Variants in STK17A observed in about 807,000 individuals in gnomAD.
The protein encoded by STK17A is serine/threonine-protein kinase 17A.
STK17A carries 26 observed loss-of-function variants against 43.7 expected under a neutral mutation model. That is an observed-to-expected ratio of 0.60 (90% confidence interval 0.44 to 0.83). The LOEUF (loss-of-function observed/expected upper bound fraction) is 0.83. Ranked by LOEUF, STK17A falls within the 40% of genes least tolerant of loss-of-function variation. The probability of loss-of-function intolerance (pLI) is 0.00; values close to 1 mark genes in which losing one functional copy is unlikely to be tolerated. For synonymous variants in STK17A, 191 were observed against 182.5 expected (o/e 1.05, Z -0.38); for missense variants, 476 against 511.6 (o/e 0.93, Z 0.67).
At chr7:43,622,329 T>C (rs2083982993) in intron 4 of STK17A, 1 of 152,238 alleles carries the variant, frequency 6.6e-6, no homozygotes, top group East Asian at 1.9e-4. Context: ...TCGCATTTCC[T>C]TTCCAACCTC....
rs1261697884 is a variant in STK17A at position 43,623,710 on chromosome 7, A to T, written c.742A>T (p.Ser248Cys). 1.2e-6 allele frequency: 2 copies of T among 1,600,818 alleles called. No homozygotes were observed. Among genetic ancestry groups the T allele is most frequent in the Non-Finnish European group, 8.5e-7 (1 of 1,175,374 alleles). The change falls in exon 6 of 7, where the codon AGC becomes TGC. Residue 248 changes from serine to cysteine, a missense_variant and splice_region_variant. Transcript: ENST00000319357. Reference sequence around the variant, plus strand: ...TCTTGCATTTTCTTTCTAATTTAGGAGCATTGGAGTGTTAACATATGTCAT... The same window carrying T: ...TCTTGCATTTTCTTTCTAATTTAGGTGCATTGGAGTGTTAACATATGTCAT... ...DPISMATDMWSIGVLTYVMLT... is the reference protein window; with the variant it reads ...DPISMATDMWCIGVLTYVMLT...
At chr7:43,619,543 T>C in intron 3 of STK17A, 54 bp from the exon 4 acceptor site, 1 of 1,585,142 alleles carries the variant, frequency 6.3e-7, no homozygotes, top group South Asian at 1.2e-5. Context: ...GCTGCATGTT[T>C]TGTGTACTTA....
rs368227991 is a variant in STK17A, at chr7:43,583,202, C to T, written c.-42C>T. ...GCGGGTCCGTGACCCTCCGGCTGCT[C>T]GGAGTGAACAGGCGGCCAGGAAAGA... On this transcript the variant is annotated 5_prime_UTR_variant, in exon 1 of 7. Transcript: ENST00000319357. 5.7e-5 allele frequency: 89 copies of T among 1,548,962 alleles called. No individual in the cohort carries two copies. Among genetic ancestry groups the T allele is most frequent in the Admixed American group, 4.0e-4 (21 of 53,064 alleles).
chr7:43,605,769 G>C (rs555641937), intron 2 of STK17A, among the ~76,000 whole-genome samples: 2 of 152,096 alleles, frequency 1.3e-5, no homozygotes, highest in South Asian at 4.1e-4. Flanking sequence ...TATACCTGTT[G>C]TTCTAATGCC....
chr7:43,586,282 G>T (rs1349596024), intron 1 of STK17A, among the ~76,000 whole-genome samples: 3 of 151,300 alleles, frequency 2.0e-5, no homozygotes, highest in African/African-American at 7.3e-5. Context: ...GTGCTACTAT[G>T]TTATCACAGA....
chr7:43,606,259 G>A (rs2082587771), intron 2 of STK17A, among the ~76,000 whole-genome samples: 1 of 152,140 alleles, frequency 6.6e-6, no homozygotes, highest in South Asian at 2.1e-4. Flanking sequence ...TAATGAGAAA[G>A]TAAAGATCCA....
chr7:43,627,331 A>G lies in STK17A; in HGVS notation c.*2489A>G, dbSNP rs527810050. 6.6e-6 allele frequency among the ~76,000 whole-genome samples: 1 copy of G among 152,378 alleles called. No individual in the cohort carries two copies. The highest frequency in any genetic ancestry group is 2.4e-5 in the African/African-American group (1 of 41,594). ...ATTGTTGAATCTCTTAAATTTTTCC[A>G]GCTAACCTCAGTTTGGAAGAAAAAT... On this transcript the variant is annotated 3_prime_UTR_variant, in exon 7 of 7. Transcript: ENST00000319357.
chr7:43,618,045 A>T (rs750482944), intron 3 of STK17A, among the ~76,000 whole-genome samples: 1 of 152,242 alleles, frequency 6.6e-6, no homozygotes, highest in East Asian at 1.9e-4. Flanking sequence ...GTGGAATGAG[A>T]GGACAGAAGT....
intron 2 of STK17A, among the ~76,000 whole-genome samples, chr7:43,596,713 A>G (rs550700055): frequency 6.6e-6 from 1 of 152,034 alleles, no homozygotes; most frequent in Admixed American, 6.5e-5. Context: ...CTACAAATAC[A>G]AAAAATTAGC....
intron 1 of STK17A, among the ~76,000 whole-genome samples, chr7:43,590,657 T>C (rs1393673926): frequency 2.0e-5 from 3 of 151,680 alleles, no homozygotes; most frequent in East Asian, 1.9e-4. Flanking sequence ...AGGAAGAAGT[T>C]TGGCTTTTGA....
At chr7:43,590,499 G>A (rs34534658) in intron 1 of STK17A, among the ~76,000 whole-genome samples, 36,757 of 151,032 alleles carry the variant, frequency 0.24, 6,191 homozygotes, top group Non-Finnish European at 0.31. Flanking sequence ...TATGTTTTCA[G>A]TGAGTAGTTC....
At chr7:43,600,732 T>C (rs1407985142) in intron 2 of STK17A, among the ~76,000 whole-genome samples, 1 of 152,106 alleles carries the variant, frequency 6.6e-6, no homozygotes, top group Non-Finnish European at 1.5e-5. Context: ...AACCCAGCAC[T>C]TTTACTTTTA....
At chr7:43,620,225 T>TC (rs2083734950) in intron 4 of STK17A, among the ~76,000 whole-genome samples, 1 of 152,156 alleles carries the variant, frequency 6.6e-6, no homozygotes. Flanking sequence ...ATGATGATAC[T>TC]CCATGGGTGT....
chr7:43,615,685 A>G (rs1037934610), intron 3 of STK17A, among the ~76,000 whole-genome samples: 4 of 151,674 alleles, frequency 2.6e-5, no homozygotes, highest in Admixed American at 6.6e-5. Flanking sequence ...TTCCTTTCCA[A>G]CCTCATGCCT....
Position 43,608,308 on chromosome 7 carries a change from T to C in STK17A, c.472T>C (p.Phe158Leu), listed in dbSNP as rs2082632700. The change falls in exon 3 of 7, where the codon TTT becomes CTT. Residue 158 changes from phenylalanine to leucine, a missense_variant. This residue lies in a region of STK17A where 320 missense variants were observed against 326.3 expected (regional missense o/e 0.98). Transcript: ENST00000319357. ...DQCVADREEAFKEKDVQRLMR... is the reference protein window; with the variant it reads ...DQCVADREEALKEKDVQRLMR... ...GTGTGTTGCAGACAGAGAAGAAGCC[T>C]TTAAAGAAAAAGATGTTCAAAGACT... 1 of 1,613,952 alleles carries C rather than the reference T, an allele frequency of 6.2e-7. No homozygotes were observed. Among genetic ancestry groups the C allele is most frequent in the African/African-American group, 1.3e-5 (1 of 74,914 alleles).
chr7:43,586,496 G>T (rs879558327), intron 1 of STK17A, among the ~76,000 whole-genome samples: 26 of 151,418 alleles, frequency 1.7e-4, no homozygotes, highest in Non-Finnish European at 2.8e-4. Context: ...ACTGGTTAAG[G>T]CTTGTTACCT....
intron 2 of STK17A, among the ~76,000 whole-genome samples, chr7:43,597,540 T>C (rs10232453): frequency 0.24 from 36,753 of 152,020 alleles, 5,052 homozygotes; most frequent in Admixed American, 0.3. Context: ...CGTCCACCTT[T>C]ATGCCTGGCT....
intron 2 of STK17A, among the ~76,000 whole-genome samples, chr7:43,600,007 C>T (rs919007490): frequency 6.6e-6 from 1 of 152,146 alleles, no homozygotes; most frequent in African/African-American, 2.4e-5. Flanking sequence ...TGGTGCCTGC[C>T]AACACTGAAG....
intron 1 of STK17A, 132 bp downstream of exon 1, chr7:43,583,581 T>C (rs1367208390): frequency 1.2e-6 from 1 of 830,696 alleles, no homozygotes; most frequent in Non-Finnish European, 1.6e-6. Flanking sequence ...CGTTGTGACT[T>C]GGCACAAACT....
Sources: allele counts gnomAD v4.1 joint callset (sites outside exome capture counted in the v4.1 genomes callset), GRCh38; gene constraint gnomAD v4.1.1; regional missense constraint gnomAD v4.1.1; transcripts MANE v1.5; gene names NCBI Gene and HGNC (gene_info 2026-07-23, HGNC 2026-07-21).